The following EHBP1L1 variants were observed in gnomAD, a reference collection of about 807,000 sequenced individuals.
The protein encoded by EHBP1L1 is EH domain binding protein 1 like 1.
In EHBP1L1, 122 loss-of-function variants were observed where a neutral mutation model predicts 151.1. The ratio of observed to expected loss-of-function variants is 0.81; its 90% CI spans 0.70 to 0.94. EHBP1L1 has a LOEUF of 0.94. Ranked by LOEUF, EHBP1L1 falls within the 40% of genes least tolerant of loss-of-function variation. The probability of loss-of-function intolerance (pLI) is 0.00; values close to 1 mark genes in which losing one functional copy is unlikely to be tolerated. For synonymous variants in EHBP1L1, 878 were observed against 810.1 expected (o/e 1.08, Z -1.42); for missense variants, 1,941 against 1,959.8 (o/e 0.99, Z 0.18).
chr11:65,579,095 T>C lies in EHBP1L1; in HGVS notation c.122T>C (p.Val41Ala), dbSNP rs1364805060. 1.3e-6 allele frequency: 2 copies of C among 1,590,740 alleles called. No homozygotes were observed. The highest frequency in any genetic ancestry group is 1.7e-6 in the Non-Finnish European group (2 of 1,168,890). The change falls in exon 2 of 19, where the codon GTG (valine) becomes GCG (alanine). Residue 41 changes from valine to alanine, a missense_variant. Coordinates refer to ENST00000309295, the MANE Select transcript of EHBP1L1 (RefSeq NM_001099409.3). Reference protein sequence around the residue: ...CTKKWQPDKLVVVWTRRNRRI... With the variant: ...CTKKWQPDKLAVVWTRRNRRI... ...TCCCCCAGGCAGCCAGATAAGCTGG[T>C]GGTGGTATGGACCCGTCGGAACCGA...
rs766578461 is a variant in EHBP1L1 at position 65,583,491 on chromosome 11, G to T, written c.2819G>T (p.Gly940Val). ...CTGAGAGTCCAGGAGGCAGAGGCTGGGGTTTGGGGGATGTCAGAGGGCAAA... is the reference window on the plus strand; with the variant it reads ...CTGAGAGTCCAGGAGGCAGAGGCTGTGGTTTGGGGGATGTCAGAGGGCAAA... ...QVLRVQEAEA[G>V]VWGMSEGKSG... Residue 940 changes from glycine (G) to valine (V), a missense_variant, in exon 9 of 19, where the codon GGG becomes GTG. Physicochemically the swap from Gly to Val is moderately radical, Grantham distance 109. Transcript: ENST00000309295. The T allele has an allele frequency of 3.1e-6, 5 of 1,613,482 alleles. No individual in the cohort carries two copies. The South Asian group carries it at 3.3e-5, about 11-fold the overall frequency.
chr11:65,588,389 T>TG (rs1294249267), intron 12 of EHBP1L1, among the ~76,000 whole-genome samples: 4 of 151,516 alleles, frequency 2.6e-5, no homozygotes, highest in African/African-American at 7.3e-5. Flanking sequence ...GGCATGAGGC[T>TG]GGGGGGCTGA....
intron 6 of EHBP1L1, 90 bp downstream of exon 6, chr11:65,580,569 G>C: frequency 6.6e-7 from 1 of 1,524,690 alleles, no homozygotes; most frequent in Non-Finnish European, 8.8e-7. Flanking sequence ...TGCCCGCCCT[G>C]TGATGGGAAC....
rs999046107 is a variant in EHBP1L1, at chr11:65,576,392, G to C, written c.90G>C (p.Glu30Asp). ...CCTGTTACCACGAGCTAGTGTTGGA[G>C]TGCACCAAGAAATGGTGAGTGGGAG... ...FVACYHELVL[E>D]CTKKWQPDKL... The change falls in exon 1 of 19, where the codon GAG becomes GAC. Residue 30 changes from glutamate (E) to aspartate (D), a missense_variant. Glu to Asp is a conservative substitution (Grantham distance 45). Transcript: ENST00000309295. 4 of 1,588,124 alleles carry C rather than the reference G, an allele frequency of 2.5e-6. No homozygotes were observed. Among genetic ancestry groups the C allele is most frequent in the Non-Finnish European group, 8.6e-7 (1 of 1,167,676 alleles).
chr11:65,583,593 C>T lies in EHBP1L1; in HGVS notation c.2921C>T (p.Ala974Val). 6.2e-7 allele frequency: 1 copy of T among 1,607,288 alleles called. No individual in the cohort carries two copies. The highest frequency in any genetic ancestry group is 8.5e-7 in the Non-Finnish European group (1 of 1,176,026). ...SPENKSGTFK[A>V]QEAEAGVLGN... The stretch of plus-strand genomic sequence containing the variant: ...GAGAACAAATCTGGTACTTTTAAGG[C>T]CCAGGAAGCGGAGGCTGGGGTCTTG... Residue 974 changes from alanine to valine, a missense_variant, in exon 9 of 19, where the codon GCC (alanine) becomes GTC (valine). Ala to Val is a moderately conservative substitution (Grantham distance 64, BLOSUM62 0). Coordinates refer to ENST00000309295, the MANE Select transcript of EHBP1L1 (RefSeq NM_001099409.3).
rs1160940693 is a variant in EHBP1L1, at chr11:65,576,190, C to T, written c.-113C>T. ...CCCGGGTCGGAGCCTGGGACACCTC[C>T]GCACGGACGGGGCGGGCGGCGCGGA... On this transcript the variant is annotated 5_prime_UTR_variant, in exon 1 of 19. Transcript: ENST00000309295. 3.2e-6 allele frequency: 3 copies of T among 942,342 alleles called. No homozygotes were observed. Among genetic ancestry groups the T allele is most frequent in the South Asian group, 2.4e-5 (1 of 41,698 alleles). 58.4% of individuals were successfully genotyped at this position (942,342 alleles called of 1,614,324 possible). A position where few individuals can be genotyped will look rare whatever the true frequency, so the allele number is the denominator to read the frequency against.
intron 6 of EHBP1L1, 112 bp from the exon 7 acceptor site, chr11:65,580,946 G>A (rs1431857300): frequency 1.4e-6 from 2 of 1,470,434 alleles, no homozygotes; most frequent in African/African-American, 1.4e-5. Context: ...GGTGCCCTGA[G>A]GCCAGGGCGT....
chr11:65,591,890 G>C lies in EHBP1L1; in HGVS notation c.4357+17G>C. The C allele has an allele frequency of 6.2e-7, 1 of 1,602,622 alleles. No homozygotes were observed. The highest frequency in any genetic ancestry group is 8.5e-7 in the Non-Finnish European group (1 of 1,174,584). ...CCATCGAAGGTGGGACATGGGCTCA[G>C]GGGCCGGGAGGCAAGACAGAGCCAG... On this transcript the variant is annotated intron_variant, in intron 17 of 18. Coordinates refer to ENST00000309295, the MANE Select transcript of EHBP1L1 (RefSeq NM_001099409.3).
chr11:65,577,343 C>T (rs990036220), intron 1 of EHBP1L1, among the ~76,000 whole-genome samples: 2 of 152,204 alleles, frequency 1.3e-5, no homozygotes, highest in Non-Finnish European at 2.9e-5. Context: ...GTCCCTTGGG[C>T]AGCTGCCATA....
chr11:65,580,934 G>T (rs1857570547), intron 6 of EHBP1L1, 124 bp from the exon 7 acceptor site: 3 of 1,455,668 alleles, frequency 2.1e-6, no homozygotes, highest in Non-Finnish European at 2.7e-6. Context: ...GCAGGCCGGG[G>T]CGGTGCCCTG....
intron 12 of EHBP1L1, 69 bp from the exon 13 acceptor site, chr11:65,589,682 C>T: frequency 6.8e-7 from 1 of 1,465,956 alleles, no homozygotes; most frequent in Non-Finnish European, 9.0e-7. Flanking sequence ...GTATGAGTGG[C>T]TCTGGCTGGC....
chr11:65,584,070 A>C, intron 9 of EHBP1L1, 171 bp from the exon 10 acceptor site: 1 of 1,446,688 alleles, frequency 6.9e-7, no homozygotes, highest in Non-Finnish European at 9.0e-7. Context: ...TTGGCAGATA[A>C]CCCTGGATCT....
At position 65,584,848 on chromosome 11, in the gene EHBP1L1, G is replaced by A. The variant is rs1428826888; in HGVS notation, c.3301-111G>A. The A allele has an allele frequency of 5.2e-5, 74 of 1,415,434 alleles. No homozygotes were observed. In the East Asian group the frequency reaches 1.7e-3, roughly 33 times the overall value. 87.7% of individuals were successfully genotyped at this position (1,415,434 alleles called of 1,614,324 possible). On this transcript the variant is annotated intron_variant, in intron 11 of 18. Coordinates refer to ENST00000309295, the MANE Select transcript of EHBP1L1 (RefSeq NM_001099409.3). ...CGCTAGGAGGGGGCGGTGTTGCTAG[G>A]CAAAACCCGGGGTGCCAATCCCGGG...
At position 65,576,169 on chromosome 11, in the gene EHBP1L1, G is replaced by C. The variant is rs1333639027; in HGVS notation, c.-134G>C. The stretch of plus-strand genomic sequence containing the variant: ...GGCGGCAGCGGAGAGCGCGGTCCCG[G>C]GTCGGAGCCTGGGACACCTCCGCAC... On this transcript the variant is annotated 5_prime_UTR_variant, in exon 1 of 19. Coordinates refer to ENST00000309295, the MANE Select transcript of EHBP1L1 (RefSeq NM_001099409.3). 1 of 659,138 alleles carries C rather than the reference G, an allele frequency of 1.5e-6. No individual in the cohort carries two copies. The highest frequency in any genetic ancestry group is 1.9e-5 in the African/African-American group (1 of 52,270). The allele number at this position is 659,138 out of a possible 1,614,324, so 40.8% of individuals were successfully genotyped here.
Position 65,592,187 on chromosome 11 carries a change from A to G in EHBP1L1, c.4473-16A>G. On this transcript the variant is annotated splice_polypyrimidine_tract_variant and intron_variant, in intron 18 of 18. Coordinates refer to ENST00000309295, the MANE Select transcript of EHBP1L1 (RefSeq NM_001099409.3). ...CCCCGCCCAACGGAGCGCTGACTCG[A>G]ACCCGTTCTCCCCAGCGCCCTGGAG... 6.3e-7 allele frequency: 1 copy of G among 1,583,070 alleles called. No homozygotes were observed. The highest frequency in any genetic ancestry group is 1.7e-4 in the Middle Eastern group (1 of 5,804).
intron 3 of EHBP1L1, among the ~76,000 whole-genome samples, chr11:65,579,693 C>T (rs900304676): frequency 1.3e-5 from 2 of 151,866 alleles, no homozygotes; most frequent in Non-Finnish European, 2.9e-5. Flanking sequence ...TAGCAACCAC[C>T]GCGTGCACCT....
chr11:65,590,119 T>C lies in EHBP1L1; in HGVS notation c.4092T>C (p.Cys1364=), dbSNP rs747813529. The change falls in exon 15 of 19, where the codon TGT becomes TGC. Residue 1364 remains cysteine, a synonymous_variant. Coordinates refer to ENST00000309295, the MANE Select transcript of EHBP1L1 (RefSeq NM_001099409.3). ...QRFQDTSQYV[C]AELQALEQEQ... Reference sequence around the variant, plus strand: ...TCCAGGACACAAGTCAGTACGTGTGTGCAGAGCTGCAGGCCCTGGAACAGG... The same window carrying C: ...TCCAGGACACAAGTCAGTACGTGTGCGCAGAGCTGCAGGCCCTGGAACAGG... 1.9e-6 allele frequency: 3 copies of C among 1,613,738 alleles called. No homozygotes were observed. The highest frequency in any genetic ancestry group is 2.2e-5 in the South Asian group (2 of 91,052).
rs891401350 is a variant in EHBP1L1 at position 65,590,528 on chromosome 11, G to A, written c.4219G>A (p.Glu1407Lys). 11 of 1,613,622 alleles carry A rather than the reference G, an allele frequency of 6.8e-6. No homozygotes were observed. Among genetic ancestry groups the A allele is most frequent in the Non-Finnish European group, 9.3e-6 (11 of 1,179,816 alleles). Residue 1407 changes from glutamate (E) to lysine (K), a missense_variant, in exon 16 of 19, where the codon GAG becomes AAG. Transcript: ENST00000309295. Reference sequence around the variant, plus strand: ...GCTGCAGGAGGAGGTGCTGATCCAGGAGTGGTTCACCCTGGTCAACAAGAA... The same window carrying A: ...GCTGCAGGAGGAGGTGCTGATCCAGAAGTGGTTCACCCTGGTCAACAAGAA... The part of the protein sequence containing the change: ...NKLQEEVLIQ[E>K]WFTLVNKKNA...
rs770350884 is a variant in EHBP1L1, at chr11:65,582,761, G to A, written c.2089G>A (p.Glu697Lys). 9.3e-6 allele frequency: 15 copies of A among 1,613,682 alleles called. No homozygotes were observed. The highest frequency in any genetic ancestry group is 1.3e-5 in the Non-Finnish European group (15 of 1,179,860). ...PLKIEDTIQS[E>K]MLGTQETEVE... ...GAAGATAGAAGATACAATACAGTCT[G>A]AGATGCTGGGGACCCAGGAGACAGA... Residue 697 changes from glutamate to lysine, a missense_variant, in exon 9 of 19, where the codon GAG (glutamate) becomes AAG (lysine). Physicochemically the swap from Glu to Lys is moderately conservative, Grantham distance 56 (BLOSUM62 1). Transcript: ENST00000309295.
Sources: allele counts gnomAD v4.1 joint callset (sites outside exome capture counted in the v4.1 genomes callset), GRCh38; gene constraint gnomAD v4.1.1; transcripts MANE v1.5; gene names NCBI Gene and HGNC (gene_info 2026-07-23, HGNC 2026-07-21).